Variants in MARCHF1 observed in about 807,000 individuals in gnomAD.
MARCHF1 encodes E3 ubiquitin-protein ligase MARCHF1.
MARCHF1 carries 40 observed loss-of-function variants against 54.2 expected under a neutral mutation model. That is an observed-to-expected ratio of 0.74 (90% CI 0.57 to 0.96). MARCHF1 has a LOEUF of 0.96. Among genes scored for constraint, MARCHF1 ranks in the 40% least tolerant of loss-of-function variants. The pLI is 0.00. For synonymous variants in MARCHF1, 236 were observed against 236.3 expected (o/e 1.00, Z 0.01); for missense variants, 586 against 656.5 (o/e 0.89, Z 1.17).
At chr4:163,568,866 G>A (rs1877314) in intron 8 of MARCHF1, among the ~76,000 whole-genome samples, 140,253 of 152,188 alleles carry the variant, frequency 0.92, 64,666 homozygotes, top group Middle Eastern at 0.98. Context: ...ACAATGAACT[G>A]CAAACAGAAG....
intron 2 of MARCHF1, among the ~76,000 whole-genome samples, chr4:164,012,488 C>A (rs1349170145): frequency 6.6e-6 from 1 of 152,102 alleles, no homozygotes; most frequent in Non-Finnish European, 1.5e-5. Context: ...GCTGAATTAA[C>A]CAACTGCTGA....
chr4:163,724,559 T>C (rs918341485), intron 4 of MARCHF1, among the ~76,000 whole-genome samples: 8 of 152,184 alleles, frequency 5.3e-5, no homozygotes, highest in Non-Finnish European at 8.8e-5. Context: ...CATTTAAGTA[T>C]GCAGAGGTTT....
intron 1 of MARCHF1, among the ~76,000 whole-genome samples, chr4:164,286,231 T>C (rs2111352181): frequency 6.6e-6 from 1 of 152,292 alleles, no homozygotes; most frequent in South Asian, 2.1e-4. Flanking sequence ...ACTGGCAACC[T>C]TACACAGGAG....
At chr4:163,562,253 C>T (rs1434007282) in intron 8 of MARCHF1, among the ~76,000 whole-genome samples, 5 of 151,976 alleles carry the variant, frequency 3.3e-5, no homozygotes, top group African/African-American at 7.3e-5. Context: ...GCAGAGATCG[C>T]GCCACTGCAC....
chr4:164,199,307 G>A (rs1445256894), intron 1 of MARCHF1, among the ~76,000 whole-genome samples: 3 of 152,068 alleles, frequency 2.0e-5, no homozygotes, highest in Non-Finnish European at 2.9e-5. Context: ...ACTCTATCTT[G>A]TTTTGCTTCC....
intron 1 of MARCHF1, among the ~76,000 whole-genome samples, chr4:164,241,429 C>T (rs1327877124): frequency 6.6e-6 from 1 of 152,164 alleles, no homozygotes; most frequent in African/African-American, 2.4e-5. Flanking sequence ...CCTGAGTTCA[C>T]ACCCTAGATT....
chr4:163,818,380 G>A (rs1402685776), intron 4 of MARCHF1, among the ~76,000 whole-genome samples: 1 of 151,862 alleles, frequency 6.6e-6, no homozygotes, highest in Non-Finnish European at 1.5e-5. Context: ...ATTAACCCCA[G>A]CATCCATTAA....
chr4:164,107,921 A>G (rs1484372181), intron 2 of MARCHF1, among the ~76,000 whole-genome samples: 1 of 152,140 alleles, frequency 6.6e-6, no homozygotes, highest in Non-Finnish European at 1.5e-5. Context: ...TCCATGAATC[A>G]TTCACATAAA....
intron 1 of MARCHF1, among the ~76,000 whole-genome samples, chr4:164,295,339 T>A (rs1319894384): frequency 1.3e-5 from 2 of 152,158 alleles, no homozygotes; most frequent in Non-Finnish European, 2.9e-5. Context: ...ATGCCCTTCT[T>A]GCATCTGCTG....
At chr4:163,669,284 T>A (rs965155399) in intron 5 of MARCHF1, among the ~76,000 whole-genome samples, 1 of 152,178 alleles carries the variant, frequency 6.6e-6, no homozygotes, top group Non-Finnish European at 1.5e-5. Context: ...CAGAAATAAT[T>A]TGAGGCAAAG....
chr4:163,967,530 TTC>T (rs1227909064), intron 3 of MARCHF1, among the ~76,000 whole-genome samples: 1 of 152,184 alleles, frequency 6.6e-6, no homozygotes, highest in African/African-American at 2.4e-5. Flanking sequence ...CTTTCTTACT[TTC>T]TCTCTTATTA....
chr4:164,139,297 C>G (rs1046049033), intron 1 of MARCHF1, among the ~76,000 whole-genome samples: 1 of 152,096 alleles, frequency 6.6e-6, no homozygotes, highest in African/African-American at 2.4e-5. Flanking sequence ...CGGCAATATT[C>G]CATCTTTCAG....
At chr4:164,031,940 G>A in intron 2 of MARCHF1, among the ~76,000 whole-genome samples, 1 of 152,154 alleles carries the variant, frequency 6.6e-6, no homozygotes, top group East Asian at 1.9e-4. Context: ...GGTAGAATTT[G>A]ACTTGCGAAT....
chr4:163,740,544 G>A (rs1746166254), intron 4 of MARCHF1, among the ~76,000 whole-genome samples: 1 of 152,164 alleles, frequency 6.6e-6, no homozygotes, highest in South Asian at 2.1e-4. Context: ...TACATTCAGT[G>A]GGTTGTGTAA....
At chr4:164,285,993 G>A (rs964778427) in intron 1 of MARCHF1, among the ~76,000 whole-genome samples, 3 of 152,064 alleles carry the variant, frequency 2.0e-5, no homozygotes, top group African/African-American at 7.2e-5. Flanking sequence ...GAGTGAGTAA[G>A]GAGTAAGCAC....
intron 5 of MARCHF1, among the ~76,000 whole-genome samples, chr4:163,629,763 G>A (rs573953956): frequency 2.0e-5 from 3 of 152,248 alleles, no homozygotes; most frequent in South Asian, 2.1e-4. Flanking sequence ...GGAAACCACC[G>A]TGGCACGTGT....
intron 3 of MARCHF1, among the ~76,000 whole-genome samples, chr4:163,926,184 TTC>T (rs1298840612): frequency 6.6e-6 from 1 of 151,744 alleles, no homozygotes; most frequent in Non-Finnish European, 1.5e-5. Flanking sequence ...GCAGCCATTA[TTC>T]TGACTTCAGA....
At chr4:164,068,634 C>T (rs1452109351) in intron 2 of MARCHF1, among the ~76,000 whole-genome samples, 1 of 152,132 alleles carries the variant, frequency 6.6e-6, no homozygotes, top group African/African-American at 2.4e-5. Context: ...CCTGAGCCTC[C>T]CCCACCTGCC....
chr4:163,891,861 T>C (rs982871297), intron 3 of MARCHF1, among the ~76,000 whole-genome samples: 1 of 152,208 alleles, frequency 6.6e-6, no homozygotes, highest in Admixed American at 6.5e-5. Flanking sequence ...TAATAACATA[T>C]GTGACGGGTC....
Sources: gnomAD v4.1 joint callset for allele counts (sites outside exome capture counted in the v4.1 genomes callset) on GRCh38, gnomAD v4.1.1 for gene constraint, MANE v1.5 for transcripts, NCBI Gene and HGNC (gene_info 2026-07-23, HGNC 2026-07-21) for gene names.